ANTXR1: variants seen among roughly 807,000 people sequenced by gnomAD.
ANTXR1 encodes anthrax toxin receptor 1.
Under a neutral mutation model 78.1 loss-of-function variants are expected in ANTXR1, and 19 were observed. The observed-to-expected ratio is 0.24, with a 90% CI of 0.17 to 0.36. ANTXR1 has a LOEUF of 0.36. ANTXR1 is among the 10% of genes least tolerant of loss of function. The pLI is 1.00. For missense variants in ANTXR1, 518 were observed against 718.6 expected (o/e 0.72, Z 3.19); for synonymous variants, 273 against 260.5 (o/e 1.05, Z -0.46).
At chr2:69,240,923 T>TA (rs1260574691) in intron 17 of ANTXR1, among the ~76,000 whole-genome samples, 30 of 152,284 alleles carry the variant, frequency 2.0e-4, no homozygotes, top group African/African-American at 7.2e-4. Flanking sequence ...CACCATTAGA[T>TA]ACACCCAAAT....
chr2:69,027,642 G>GTA (rs1199286289), intron 1 of ANTXR1, among the ~76,000 whole-genome samples: 3 of 112,044 alleles, frequency 2.7e-5, no homozygotes, highest in Admixed American at 9.6e-5. Context: ...GTGTGTGTAT[G>GTA]TGTGTGTGTG....
chr2:69,139,001 T>C lies in ANTXR1; in HGVS notation c.952-13168T>C, dbSNP rs989539108. On this transcript the variant is annotated intron_variant, in intron 12 of 17. Coordinates refer to ENST00000303714, the MANE Select transcript of ANTXR1 (RefSeq NM_032208.3). Reference sequence around the variant, plus strand: ...GCCAAAGTAAATATCTACAAAATGCTCCTTATGATGGAGCTTGACCTGGCA... The same window carrying C: ...GCCAAAGTAAATATCTACAAAATGCCCCTTATGATGGAGCTTGACCTGGCA... Among the ~76,000 whole-genome samples the C allele has an allele frequency of 7.2e-5, 11 of 152,216 alleles. 1 individual carries two copies. Among genetic ancestry groups the C allele is most frequent in the African/African-American group, 2.7e-4 (11 of 41,450 alleles).
chr2:69,058,547 A>T (rs1242643333), intron 3 of ANTXR1, among the ~76,000 whole-genome samples: 1 of 151,508 alleles, frequency 6.6e-6, no homozygotes, highest in African/African-American at 2.4e-5. Context: ...AAAAAAAATC[A>T]TTCTTTTCAA....
At chr2:69,091,345 G>A (rs796763723) in intron 9 of ANTXR1, among the ~76,000 whole-genome samples, 8 of 149,596 alleles carry the variant, frequency 5.3e-5, no homozygotes, top group African/African-American at 1.7e-4. Flanking sequence ...GGAGGCTGAG[G>A]AAGGAGAATC....
At chr2:69,235,579 G>A (rs1329322207) in intron 17 of ANTXR1, among the ~76,000 whole-genome samples, 2 of 149,040 alleles carry the variant, frequency 1.3e-5, no homozygotes, top group Non-Finnish European at 3.0e-5. Context: ...TTGAACCCAG[G>A]AGGCAGAGGT....
intron 1 of ANTXR1, among the ~76,000 whole-genome samples, chr2:69,032,214 G>A (rs1410915048): frequency 6.6e-6 from 1 of 152,198 alleles, no homozygotes; most frequent in African/African-American, 2.4e-5. Context: ...ATGACATTAA[G>A]TGAAAAAAGC....
chr2:69,101,343 G>T (rs891151975), intron 9 of ANTXR1, among the ~76,000 whole-genome samples: 5 of 152,200 alleles, frequency 3.3e-5, no homozygotes, highest in African/African-American at 1.2e-4. Flanking sequence ...GAAGCTAATG[G>T]CTGAGTTCTA....
At chr2:69,174,032 G>A (rs933554135) in intron 14 of ANTXR1, among the ~76,000 whole-genome samples, 4 of 152,084 alleles carry the variant, frequency 2.6e-5, no homozygotes, top group Non-Finnish European at 5.9e-5. Context: ...GCCTCCCCTT[G>A]TTCATTTCCC....
intron 10 of ANTXR1, among the ~76,000 whole-genome samples, chr2:69,112,113 G>A (rs1672004415): frequency 6.6e-6 from 1 of 152,182 alleles, no homozygotes; most frequent in South Asian, 2.1e-4. Context: ...ACAGTCTCAT[G>A]TTCTTCATGG....
At chr2:69,242,647 C>G (rs1675921896) in intron 17 of ANTXR1, among the ~76,000 whole-genome samples, 1 of 152,200 alleles carries the variant, frequency 6.6e-6, no homozygotes, top group African/African-American at 2.4e-5. Flanking sequence ...GGTTTCCCTT[C>G]ATCTTTCAAG....
rs769770628 is a variant in ANTXR1, at chr2:69,075,613, T to C, written c.516T>C (p.Gly172=). 3 of 1,614,160 alleles carry C rather than the reference T, an allele frequency of 1.9e-6. No homozygotes were observed. The highest frequency in any genetic ancestry group is 2.5e-6 in the Non-Finnish European group (3 of 1,179,988). ...EREANRSRDL[G]AIVYCVGVKD... is the part of the protein sequence containing the mutation. ...AGGCTAATAGGTCTCGAGATCTTGG[T>C]GCAATTGTTTACTGTGTTGGTGTGA... Residue 172 remains glycine (G), a synonymous_variant, in exon 7 of 18, where the codon GGT becomes GGC. Coordinates refer to ENST00000303714, the MANE Select transcript of ANTXR1 (RefSeq NM_032208.3).
At chr2:69,201,812 A>G (rs1458717035) in intron 17 of ANTXR1, among the ~76,000 whole-genome samples, 17 of 152,162 alleles carry the variant, frequency 1.1e-4, no homozygotes, top group Non-Finnish European at 5.9e-5. Context: ...TGAGGACGTC[A>G]CTTTTTAACT....
chr2:69,181,894 C>A lies in ANTXR1; in HGVS notation c.1185+13C>A. On this transcript the variant is annotated intron_variant, in intron 15 of 17. Coordinates refer to ENST00000303714, the MANE Select transcript of ANTXR1 (RefSeq NM_032208.3). ...TAAAAGAATGGAGGTAAGAGGACAG[C>A]TTCATATACACTTATCTATGTGCTG... is the stretch of plus-strand genomic sequence containing the variant. The A allele has an allele frequency of 6.2e-7, 1 of 1,612,916 alleles. No homozygotes were observed. The highest frequency in any genetic ancestry group is 8.5e-7 in the Non-Finnish European group (1 of 1,178,986).
chr2:69,087,402 C>T (rs192899477), intron 8 of ANTXR1, among the ~76,000 whole-genome samples: 70 of 152,254 alleles, frequency 4.6e-4, no homozygotes, highest in African/African-American at 1.6e-3. Flanking sequence ...ATGGAACCTG[C>T]CCAAGGTCAC....
chr2:69,128,227 G>GAAAAAAAA (rs199694251), intron 12 of ANTXR1, among the ~76,000 whole-genome samples: 1 of 139,136 alleles, frequency 7.2e-6, no homozygotes. Context: ...TCCATCTCTG[G>GAAAAAAAA]AAAAAAAAAA....
At chr2:69,078,330 A>G (rs764500204) in intron 8 of ANTXR1, among the ~76,000 whole-genome samples, 1 of 152,204 alleles carries the variant, frequency 6.6e-6, no homozygotes, top group Non-Finnish European at 1.5e-5. Context: ...GGCATCTGTG[A>G]TCTTCACTGG....
At chr2:69,139,118 T>C (rs1291520368) in intron 12 of ANTXR1, among the ~76,000 whole-genome samples, 1 of 152,250 alleles carries the variant, frequency 6.6e-6, no homozygotes, top group East Asian at 1.9e-4. Flanking sequence ...TTGTATTTCA[T>C]ACATCCTCAC....
chr2:69,086,736 A>G (rs1671063260), intron 8 of ANTXR1, among the ~76,000 whole-genome samples: 1 of 152,240 alleles, frequency 6.6e-6, no homozygotes, highest in African/African-American at 2.4e-5. Context: ...GCTAACAGCC[A>G]CTGTTGTTTG....
At chr2:69,161,445 C>G (rs1673679931) in intron 13 of ANTXR1, among the ~76,000 whole-genome samples, 1 of 152,170 alleles carries the variant, frequency 6.6e-6, no homozygotes, top group Non-Finnish European at 1.5e-5. Flanking sequence ...GTACCACATT[C>G]CAAATTAACA....
Sources: allele counts gnomAD v4.1 joint callset (sites outside exome capture counted in the v4.1 genomes callset), GRCh38; gene constraint gnomAD v4.1.1; transcripts MANE v1.5; gene names NCBI Gene and HGNC (gene_info 2026-07-23, HGNC 2026-07-21).